The following COLEC10 variants were observed in gnomAD, a reference collection of about 807,000 sequenced individuals.
COLEC10 encodes collectin-10.
Under a neutral mutation model 28.4 loss-of-function variants are expected in COLEC10, and 22 were observed. The ratio of observed to expected loss-of-function variants is 0.78; its 90% CI spans 0.55 to 1.11. The LOEUF is 1.11. Ranked by LOEUF, COLEC10 falls within the 50% of genes least tolerant of loss-of-function variation. The pLI, the probability that COLEC10 is intolerant of heterozygous loss-of-function variation, is 0.00. For synonymous variants in COLEC10, 125 were observed against 116.1 expected (o/e 1.08, Z -0.49); for missense variants, 361 against 344.1 (o/e 1.05, Z -0.39).
At chr8:119,007,817 T>C (rs570049048) in intron 1 of COLEC10, among the ~76,000 whole-genome samples, 17 of 150,898 alleles carry the variant, frequency 1.1e-4, no homozygotes. Context: ...AATTCACTAA[T>C]TATGTGCCTT....
At chr8:118,967,994 G>A in the COLEC10 span, among the ~76,000 whole-genome samples, 1 of 152,040 alleles carries the variant, frequency 6.6e-6, no homozygotes, top group Non-Finnish European at 1.5e-5. Context: ...TTTCGTGCAA[G>A]AAGAGGACAT....
At chr8:119,001,729 C>A (rs902161882) in intron 1 of COLEC10, among the ~76,000 whole-genome samples, 5 of 139,066 alleles carry the variant, frequency 3.6e-5, no homozygotes, top group East Asian at 2.1e-4. Flanking sequence ...AAACAAAAAA[C>A]CCCCAGTAAT....
intron 2 of COLEC10, among the ~76,000 whole-genome samples, chr8:119,021,634 T>C (rs1288082105): frequency 6.6e-6 from 1 of 152,174 alleles, no homozygotes; most frequent in Non-Finnish European, 1.5e-5. Context: ...TTTTTGCTCT[T>C]GGGAAGAGCC....
At chr8:118,979,717 T>C in the COLEC10 span, among the ~76,000 whole-genome samples, 3 of 152,220 alleles carry the variant, frequency 2.0e-5, no homozygotes, top group East Asian at 3.9e-4. Context: ...TCTATATAAA[T>C]ATACAAGAAT....
chr8:119,073,164 G>T (rs970500901), intron 1 of COLEC10, among the ~76,000 whole-genome samples: 1 of 152,184 alleles, frequency 6.6e-6, no homozygotes, highest in Non-Finnish European at 1.5e-5. Context: ...AAAATAACTT[G>T]TTCTAGGTCA....
intron 3 of COLEC10, among the ~76,000 whole-genome samples, chr8:119,097,932 C>T (rs562660823): frequency 6.6e-6 from 1 of 151,950 alleles, no homozygotes; most frequent in South Asian, 2.1e-4. Flanking sequence ...CCTTAGCCAT[C>T]TTAACTATTT....
chr8:118,960,979 T>C, the COLEC10 span, among the ~76,000 whole-genome samples: 1 of 152,122 alleles, frequency 6.6e-6, no homozygotes, highest in African/African-American at 2.4e-5. Flanking sequence ...TCCTTACTCA[T>C]AAAACATATA....
At chr8:118,977,205 A>T in the COLEC10 span, among the ~76,000 whole-genome samples, 1 of 144,036 alleles carries the variant, frequency 6.9e-6, no homozygotes, top group Admixed American at 6.9e-5. Context: ...TTCCTCAGGG[A>T]TCTAGAACTA....
At chr8:119,091,278 G>T (rs934926177) in intron 3 of COLEC10, 58 bp downstream of exon 3, 1 of 1,281,980 alleles carries the variant, frequency 7.8e-7, no homozygotes, top group African/African-American at 1.5e-5. Flanking sequence ...GGCCGGGTAC[G>T]ATGGCTCACA....
chr8:118,993,882 T>C (rs2130043845), upstream of COLEC10, among the ~76,000 whole-genome samples: 1 of 152,286 alleles, frequency 6.6e-6, no homozygotes, highest in East Asian at 1.9e-4. Flanking sequence ...GGAGAAGCAC[T>C]GGGGCCCTGG....
intron 2 of COLEC10, among the ~76,000 whole-genome samples, chr8:119,047,249 G>A (rs1449037135): frequency 6.6e-6 from 1 of 152,294 alleles, no homozygotes; most frequent in South Asian, 2.1e-4. Flanking sequence ...CTGAGCTTTG[G>A]TGAAACTGGT....
At chr8:119,044,986 CTCTT>C (rs367681212) in intron 2 of COLEC10, among the ~76,000 whole-genome samples, 25 of 152,282 alleles carry the variant, frequency 1.6e-4, no homozygotes, top group African/African-American at 5.5e-4. Context: ...ATTAGACTAT[CTCTT>C]TCTTTCCAGT....
At chr8:119,040,933 G>A (rs1012757497) in intron 2 of COLEC10, among the ~76,000 whole-genome samples, 1 of 152,208 alleles carries the variant, frequency 6.6e-6, no homozygotes, top group African/African-American at 2.4e-5. Flanking sequence ...CATAGGGCAA[G>A]TGAGACTATG....
chr8:119,084,257 G>A (rs1815424779), intron 1 of COLEC10, among the ~76,000 whole-genome samples: 1 of 152,144 alleles, frequency 6.6e-6, no homozygotes, highest in African/African-American at 2.4e-5. Flanking sequence ...TCATAGCTAA[G>A]TTCACAGAGC....
At chr8:119,045,655 G>A (rs1440537627) in intron 2 of COLEC10, among the ~76,000 whole-genome samples, 1 of 152,162 alleles carries the variant, frequency 6.6e-6, no homozygotes, top group Non-Finnish European at 1.5e-5. Flanking sequence ...TATAGAGAAT[G>A]TTTTTAATTA....
upstream of COLEC10, among the ~76,000 whole-genome samples, chr8:119,062,598 A>T (rs954368840): frequency 6.6e-6 from 1 of 151,754 alleles, no homozygotes; most frequent in Non-Finnish European, 1.5e-5. Context: ...TCCTGCCTCA[A>T]CCTCCTGAGT....
intron 1 of COLEC10, among the ~76,000 whole-genome samples, chr8:119,085,358 G>A (rs1413784080): frequency 1.3e-5 from 2 of 152,132 alleles, no homozygotes; most frequent in African/African-American, 4.8e-5. Context: ...AAAAGTACTA[G>A]GGAGTGGTTT....
At chr8:119,099,655 G>C (rs751336269) in intron 3 of COLEC10, among the ~76,000 whole-genome samples, 22 of 152,034 alleles carry the variant, frequency 1.4e-4, no homozygotes, top group Non-Finnish European at 2.2e-4. Flanking sequence ...CTGAAAACTA[G>C]TCACAGAGTT....
At chr8:119,085,401 G>T (rs1305727983) in intron 1 of COLEC10, among the ~76,000 whole-genome samples, 1 of 152,092 alleles carries the variant, frequency 6.6e-6, no homozygotes, top group Admixed American at 6.5e-5. Context: ...TGTCATGTAT[G>T]TAAGAGGTAT....
Sources: gnomAD v4.1 joint callset for allele counts (sites outside exome capture counted in the v4.1 genomes callset) on GRCh38, gnomAD v4.1.1 for gene constraint, MANE v1.5 for transcripts, NCBI Gene and HGNC (gene_info 2026-07-23, HGNC 2026-07-21) for gene names.